NRXN3: variants seen among roughly 807,000 people sequenced by gnomAD.
NRXN3 encodes the protein neurexin 3.
Under a neutral mutation model 137.6 loss-of-function variants are expected in NRXN3, and 32 were observed. The observed-to-expected ratio is 0.23, with a 90% CI of 0.18 to 0.31. The LOEUF is 0.31. Among genes scored for constraint, NRXN3 ranks in the 10% least tolerant of loss-of-function variants. The probability of loss-of-function intolerance (pLI) is 1.00; values close to 1 mark genes in which losing one functional copy is unlikely to be tolerated. For synonymous variants in NRXN3, 798 were observed against 784.5 expected, an observed-to-expected ratio of 1.02 and a Z score of -0.29; for missense variants, 1,574 against 2,062.5, an observed-to-expected ratio of 0.76 and a Z score of 4.59.
intron 3 of NRXN3, among the ~76,000 whole-genome samples, chr14:78,281,629 G>C (rs2074423617): frequency 6.6e-6 from 1 of 152,186 alleles, no homozygotes; most frequent in East Asian, 1.9e-4. Flanking sequence ...AGGAGGTTCA[G>C]AATAATAACA....
chr14:79,821,418 A>C (rs932261), intron 20 of NRXN3, among the ~76,000 whole-genome samples: 136,959 of 152,196 alleles, frequency 0.9, 61,644 homozygotes, highest in East Asian at 0.96. Context: ...TGAAGAGAAC[A>C]TGCCCTCATT....
chr14:78,640,670 G>T (rs963725487), intron 4 of NRXN3, among the ~76,000 whole-genome samples: 2 of 152,136 alleles, frequency 1.3e-5, no homozygotes, highest in South Asian at 2.1e-4. Flanking sequence ...TCAGCCATTT[G>T]AAAGATCAGT....
At chr14:78,240,207 C>G (rs2153450784) in intron 1 of NRXN3, among the ~76,000 whole-genome samples, 1 of 152,334 alleles carries the variant, frequency 6.6e-6, no homozygotes, top group Admixed American at 6.5e-5. Flanking sequence ...CTCAGCTGAG[C>G]ATCCCTTGAA....
chr14:78,439,951 A>G (rs894526361), intron 4 of NRXN3, among the ~76,000 whole-genome samples: 1 of 152,160 alleles, frequency 6.6e-6, no homozygotes, highest in Non-Finnish European at 1.5e-5. Context: ...AAATGCCAGG[A>G]AGGTGGCCTG....
intron 16 of NRXN3, among the ~76,000 whole-genome samples, chr14:79,638,638 C>T (rs2098417711): frequency 6.6e-6 from 1 of 152,156 alleles, no homozygotes; most frequent in Admixed American, 6.5e-5. Flanking sequence ...CTATATTTTT[C>T]ATGCAGTCAT....
At chr14:79,069,047 T>C (rs4903822) in intron 15 of NRXN3, among the ~76,000 whole-genome samples, 150,823 of 152,196 alleles carry the variant, frequency 0.99, 74,755 homozygotes, top group Middle Eastern at 1. Context: ...TGGTTCCCAC[T>C]GATAAGGGGA....
intron 10 of NRXN3, among the ~76,000 whole-genome samples, chr14:78,912,148 C>T (rs1334844676): frequency 6.6e-6 from 1 of 151,264 alleles, no homozygotes; most frequent in Non-Finnish European, 1.5e-5. Flanking sequence ...TCAATTCCCA[C>T]CTATGAGTGA....
chr14:79,650,479 C>T (rs2098470763), intron 16 of NRXN3, among the ~76,000 whole-genome samples: 1 of 152,146 alleles, frequency 6.6e-6, no homozygotes, highest in African/African-American at 2.4e-5. Context: ...AGCAATGTGA[C>T]TTTGTCTTAC....
At chr14:78,970,449 A>T (rs1334453704) in intron 14 of NRXN3, among the ~76,000 whole-genome samples, 2 of 152,158 alleles carry the variant, frequency 1.3e-5, no homozygotes, top group East Asian at 3.8e-4. Context: ...TTATACTTGC[A>T]GCACACCTCA....
At chr14:78,601,313 G>C (rs2097199657) in intron 4 of NRXN3, among the ~76,000 whole-genome samples, 1 of 152,084 alleles carries the variant, frequency 6.6e-6, no homozygotes, top group Non-Finnish European at 1.5e-5. Context: ...CTGATACCCA[G>C]AGCCATTCTT....
At chr14:79,851,413 C>A (rs919592672) in intron 20 of NRXN3, among the ~76,000 whole-genome samples, 2 of 151,906 alleles carry the variant, frequency 1.3e-5, no homozygotes, top group Non-Finnish European at 2.9e-5. Context: ...GTGAAGTTCC[C>A]AGAATAATGA....
At chr14:79,376,875 T>C (rs1288245747) in intron 15 of NRXN3, among the ~76,000 whole-genome samples, 1 of 152,228 alleles carries the variant, frequency 6.6e-6, no homozygotes, top group Non-Finnish European at 1.5e-5. Context: ...GTTAATGCCA[T>C]GCAATCCTAT....
chr14:78,854,333 T>C (rs1459964785), intron 10 of NRXN3, among the ~76,000 whole-genome samples: 1 of 152,214 alleles, frequency 6.6e-6, no homozygotes, highest in East Asian at 1.9e-4. Context: ...CACATTTTAC[T>C]GTAGGTGATC....
intron 20 of NRXN3, among the ~76,000 whole-genome samples, chr14:79,840,414 C>T (rs189822045): frequency 3.2e-4 from 49 of 151,994 alleles, no homozygotes; most frequent in African/African-American, 1.1e-3. Flanking sequence ...TATCAATTCT[C>T]ATTATGCAAT....
At chr14:78,920,276 C>A (rs1226517141) in intron 10 of NRXN3, among the ~76,000 whole-genome samples, 1 of 152,092 alleles carries the variant, frequency 6.6e-6, no homozygotes, top group African/African-American at 2.4e-5. Flanking sequence ...CACTTCTGCC[C>A]AGAGGTGATG....
chr14:79,005,852 C>CA (rs796424544), intron 15 of NRXN3, among the ~76,000 whole-genome samples: 154 of 151,528 alleles, frequency 1.0e-3, no homozygotes, highest in African/African-American at 3.4e-3. Context: ...TGTCGGTCCT[C>CA]AAAAAAAACG....
intron 1 of NRXN3, among the ~76,000 whole-genome samples, chr14:78,208,665 C>T (rs543632021): frequency 1.5e-4 from 23 of 152,270 alleles, no homozygotes; most frequent in African/African-American, 5.1e-4. Flanking sequence ...TGACCACCTC[C>T]AAGCTCTGTG....
At chr14:79,260,660 C>T (rs2077458715) in intron 15 of NRXN3, among the ~76,000 whole-genome samples, 1 of 152,148 alleles carries the variant, frequency 6.6e-6, no homozygotes, top group Non-Finnish European at 1.5e-5. Flanking sequence ...ACCCCACTTG[C>T]CACCCACAAT....
At chr14:78,187,417 C>A (rs946695042) in intron 1 of NRXN3, among the ~76,000 whole-genome samples, 2 of 151,964 alleles carry the variant, frequency 1.3e-5, no homozygotes, top group Non-Finnish European at 2.9e-5. Flanking sequence ...AGTCTACATG[C>A]CATTCAGAGG....
Sources: gnomAD v4.1 joint callset for allele counts (sites outside exome capture counted in the v4.1 genomes callset) on GRCh38, gnomAD v4.1.1 for gene constraint, MANE v1.5 for transcripts, NCBI Gene and HGNC (gene_info 2026-07-23, HGNC 2026-07-21) for gene names.